Variants in SV2C observed in about 807,000 individuals in gnomAD.
SV2C encodes the protein synaptic vesicle glycoprotein 2C, also known as solute carrier family 22 member B3.
In SV2C, 49 loss-of-function variants were observed where a neutral mutation model predicts 79.7. The observed-to-expected ratio is 0.61, with a 90% CI of 0.49 to 0.78. SV2C has a LOEUF of 0.78. SV2C is among the 30% of genes least tolerant of loss of function. SV2C has a pLI of 0.00. For synonymous variants in SV2C, 334 were observed against 333.2 expected, an observed-to-expected ratio of 1.00 and a Z score of -0.03; for missense variants, 833 against 912.9, an observed-to-expected ratio of 0.91 and a Z score of 1.13.
intron 1 of SV2C, among the ~76,000 whole-genome samples, chr5:76,097,139 G>A (rs1747593642): frequency 6.6e-6 from 1 of 152,090 alleles, no homozygotes; most frequent in African/African-American, 2.4e-5. Flanking sequence ...TTCCACATAA[G>A]CAAAGCCTTG....
At chr5:75,976,215 C>T in the SV2C span, among the ~76,000 whole-genome samples, 1 of 152,168 alleles carries the variant, frequency 6.6e-6, no homozygotes, top group Admixed American at 6.6e-5. Flanking sequence ...CCATGCCAGT[C>T]TGCTCATTTT....
chr5:76,291,983 G>T, intron 8 of SV2C, 127 bp downstream of exon 8: 1 of 635,792 alleles, frequency 1.6e-6, no homozygotes. Flanking sequence ...ATTTTTTTCA[G>T]CTTAGGTTTG....
chr5:76,313,301 C>G (rs1438871048), intron 12 of SV2C, among the ~76,000 whole-genome samples: 1 of 152,206 alleles, frequency 6.6e-6, no homozygotes, highest in African/African-American at 2.4e-5. Flanking sequence ...ATGTAATCCA[C>G]TCCATCCCTG....
the SV2C span, among the ~76,000 whole-genome samples, chr5:75,982,016 T>C: frequency 7.3e-6 from 1 of 136,782 alleles, no homozygotes; most frequent in Non-Finnish European, 1.5e-5. Flanking sequence ...CACTCATAGA[T>C]GGGAATTGAA....
At chr5:76,050,700 A>G in the SV2C span, among the ~76,000 whole-genome samples, 2 of 152,172 alleles carry the variant, frequency 1.3e-5, no homozygotes, top group Admixed American at 1.3e-4. Context: ...AAACCTGTTC[A>G]TAAGCCTCTA....
chr5:76,310,287 G>A (rs1373751917), intron 12 of SV2C, among the ~76,000 whole-genome samples: 3 of 152,212 alleles, frequency 2.0e-5, no homozygotes, highest in Non-Finnish European at 4.4e-5. Context: ...CTGGGGTAAG[G>A]AGAGTTACAA....
the SV2C span, among the ~76,000 whole-genome samples, chr5:75,859,988 G>A: frequency 3.4e-3 from 513 of 152,230 alleles, 1 homozygote; most frequent in African/African-American, 0.012. Context: ...CCCTGAGCAA[G>A]CCTCCGAAGC....
chr5:76,035,320 C>T, the SV2C span, among the ~76,000 whole-genome samples: 1 of 151,754 alleles, frequency 6.6e-6, no homozygotes, highest in Non-Finnish European at 1.5e-5. Context: ...TCTTGCTTCT[C>T]TAGTTCTTTT....
At chr5:75,958,705 C>A in the SV2C span, among the ~76,000 whole-genome samples, 1 of 151,832 alleles carries the variant, frequency 6.6e-6, no homozygotes, top group Non-Finnish European at 1.5e-5. Context: ...TCAGGACACA[C>A]GTCATTTTCT....
chr5:76,024,758 G>A, the SV2C span, among the ~76,000 whole-genome samples: 1 of 152,008 alleles, frequency 6.6e-6, no homozygotes, highest in African/African-American at 2.4e-5. Flanking sequence ...ACCTCCAGTC[G>A]GCCCTGTGGA....
chr5:75,863,740 C>T, the SV2C span, among the ~76,000 whole-genome samples: 3 of 152,206 alleles, frequency 2.0e-5, no homozygotes, highest in East Asian at 1.9e-4. Flanking sequence ...ACCGATGTTC[C>T]GATAGTGAAA....
intron 1 of SV2C, among the ~76,000 whole-genome samples, chr5:76,121,799 G>T (rs1337731796): frequency 5.3e-5 from 8 of 151,726 alleles, no homozygotes; most frequent in Admixed American, 1.3e-4. Flanking sequence ...AAGTCAGGTA[G>T]CGTGATGCCT....
intron 2 of SV2C, among the ~76,000 whole-genome samples, chr5:76,171,743 C>A (rs1330699106): frequency 3.7e-4 from 49 of 132,650 alleles, no homozygotes; most frequent in East Asian, 5.2e-4. Context: ...CCAGCCGTGC[C>A]GTCCGGGAGG....
intron 2 of SV2C, among the ~76,000 whole-genome samples, chr5:76,171,609 G>T (rs1264947631): frequency 1.7e-5 from 2 of 119,316 alleles, no homozygotes; most frequent in African/African-American, 3.7e-5. Context: ...GGAGAGAGGT[G>T]GGGGGGGGGT....
At chr5:76,105,276 A>T (rs1025933816) in intron 1 of SV2C, among the ~76,000 whole-genome samples, 4 of 152,142 alleles carry the variant, frequency 2.6e-5, no homozygotes, top group Non-Finnish European at 5.9e-5. Context: ...CAACGCCTTG[A>T]TTTCAGGCTT....
At chr5:76,063,132 C>T in the SV2C span, among the ~76,000 whole-genome samples, 1 of 152,160 alleles carries the variant, frequency 6.6e-6, no homozygotes, top group East Asian at 1.9e-4. Context: ...TAATCTTTAC[C>T]CAGTCAGAAG....
intron 2 of SV2C, among the ~76,000 whole-genome samples, chr5:76,178,092 A>G (rs768692792): frequency 1.3e-5 from 2 of 152,214 alleles, no homozygotes; most frequent in African/African-American, 4.8e-5. Flanking sequence ...CCTCTTCAGC[A>G]TATCAGTCTC....
the SV2C span, among the ~76,000 whole-genome samples, chr5:76,012,492 A>T: frequency 6.6e-6 from 1 of 152,114 alleles, no homozygotes; most frequent in Non-Finnish European, 1.5e-5. Context: ...TTCCTTATAG[A>T]TTCTGGATAT....
chr5:75,899,883 T>A, the SV2C span, among the ~76,000 whole-genome samples: 4 of 152,158 alleles, frequency 2.6e-5, no homozygotes, highest in African/African-American at 9.7e-5. Context: ...AGACTAGGAT[T>A]GCAACCCCTG....
Sources: allele counts gnomAD v4.1 joint callset (sites outside exome capture counted in the v4.1 genomes callset), GRCh38; gene constraint gnomAD v4.1.1; transcripts MANE v1.5; gene names NCBI Gene and HGNC (gene_info 2026-07-23, HGNC 2026-07-21).